The following ZWILCH variants were observed in gnomAD, a reference collection of about 807,000 sequenced individuals.
ZWILCH encodes zwilch kinetochore protein.
ZWILCH carries 74 observed loss-of-function variants against 79.9 expected under a neutral mutation model. The ratio of observed to expected loss-of-function variants is 0.93; its 90% CI spans 0.77 to 1.12. The LOEUF (loss-of-function observed/expected upper bound fraction) is 1.12, where lower values mean the gene tolerates loss of function less well. Ranked by LOEUF, ZWILCH falls within the 50% of genes most tolerant of loss-of-function variation. The probability of loss-of-function intolerance (pLI) is 0.00; values close to 1 mark genes in which losing one functional copy is unlikely to be tolerated. For synonymous variants in ZWILCH, 241 were observed against 228.2 expected (o/e 1.06, Z -0.51); for missense variants, 694 against 687.5 (o/e 1.01, Z -0.11).
intron 6 of ZWILCH, 143 bp from the exon 7 acceptor site, chr15:66,520,907 A>G: frequency 1.0e-6 from 1 of 958,916 alleles, no homozygotes; most frequent in Non-Finnish European, 1.6e-6. Flanking sequence ...ATATATCCCA[A>G]AAATATATGG....
At chr15:66,517,143 T>C (rs1894292843) in intron 4 of ZWILCH, among the ~76,000 whole-genome samples, 2 of 152,062 alleles carry the variant, frequency 1.3e-5, no homozygotes, top group Admixed American at 6.6e-5. Flanking sequence ...TTCAAATTTA[T>C]GGGAAAGTTA....
intron 15 of ZWILCH, 58 bp from the exon 16 acceptor site, chr15:66,537,110 A>G: frequency 1.4e-6 from 2 of 1,408,812 alleles, no homozygotes; most frequent in Non-Finnish European, 9.9e-7. Flanking sequence ...AGACTACCAG[A>G]AAAACGTTAT....
chr15:66,521,200 A>C lies in ZWILCH; in HGVS notation c.742A>C (p.Thr248Pro), dbSNP rs760792008. Residue 248 changes from threonine (T) to proline (P), a missense_variant, in exon 7 of 19, where the codon ACT becomes CCT. Physicochemically the swap from Thr to Pro is conservative, Grantham distance 38. Coordinates refer to ENST00000307897, the MANE Select transcript of ZWILCH (RefSeq NM_017975.5). Reference sequence around the variant, plus strand: ...AATCCCTCCACTCTCTTCAACTGCAACTCTGGTAAGAGTGGGCCCTATTTC... The same window carrying C: ...AATCCCTCCACTCTCTTCAACTGCACCTCTGGTAAGAGTGGGCCCTATTTC... ...LQIPPLSSTA[T>P]LNIKVESGEP... The C allele has an allele frequency of 1.4e-5, 22 of 1,610,458 alleles. No homozygotes were observed. Among genetic ancestry groups the C allele is most frequent in the Non-Finnish European group, 1.7e-5 (20 of 1,179,846 alleles).
Position 66,532,400 on chromosome 15 carries a change from A to T in ZWILCH, c.1309A>T (p.Ile437Leu), listed in dbSNP as rs779094520. Residue 437 changes from isoleucine (I) to leucine (L), a missense_variant, in exon 13 of 19, where the codon ATA becomes TTA. Transcript: ENST00000307897. Reference sequence around the variant, plus strand: ...AAAGAAAGATTATATCAGTTTTTTCATAGGTAAGTATCTTTCCTGGCTCAA... The same window carrying T: ...AAAGAAAGATTATATCAGTTTTTTCTTAGGTAAGTATCTTTCCTGGCTCAA... ...KLKKDYISFF[I>L]GQELASLNHL... The T allele has an allele frequency of 6.2e-6, 10 of 1,602,148 alleles. No homozygotes were observed. In the South Asian group the frequency reaches 7.9e-5, roughly 13 times the overall value.
In ZWILCH at chr15:66,529,559, G is replaced by T; in HGVS notation, c.1141G>T (p.Asp381Tyr). Residue 381 changes from aspartate to tyrosine, a missense_variant, in exon 12 of 19, where the codon GAT becomes TAT. Coordinates refer to ENST00000307897, the MANE Select transcript of ZWILCH (RefSeq NM_017975.5). ...GATCATCCAGAGTCTACAACGTGGT[G>T]ATATACAGCCATGGGTAGGTTTAGT... ...TLIIQSLQRG[D>Y]IQPWLHSGSN... The T allele has an allele frequency of 6.2e-7, 1 of 1,613,640 alleles. No individual in the cohort carries two copies. The highest frequency in any genetic ancestry group is 1.3e-5 in the African/African-American group (1 of 75,026).
intron 8 of ZWILCH, among the ~76,000 whole-genome samples, chr15:66,526,080 A>G (rs561225355): frequency 1.4e-4 from 22 of 152,022 alleles, no homozygotes; most frequent in African/African-American, 4.1e-4. Context: ...ACATTTTTCT[A>G]AAGACCTCCC....
At chr15:66,517,455 T>TATATATATATATATATAGAGAGAG (rs1180456312) in intron 4 of ZWILCH, among the ~76,000 whole-genome samples, 15 of 115,214 alleles carry the variant, frequency 1.3e-4, no homozygotes, top group Admixed American at 2.0e-4. Context: ...TATATATATA[T>TATATATATATATATATAGAGAGAG]AGTAATGTAC....
Position 66,523,759 on chromosome 15 carries a change from T to C in ZWILCH, c.819+11T>C. 1 of 1,583,658 alleles carries C rather than the reference T, an allele frequency of 6.3e-7. No homozygotes were observed. The highest frequency in any genetic ancestry group is 8.7e-7 in the Non-Finnish European group (1 of 1,155,256). ...CTGAAATTTCTTCTTGTGAGTATCC[T>C]TCTAGAATTCCTTTCCTTAAATCTA... On this transcript the variant is annotated intron_variant, in intron 8 of 18. Transcript: ENST00000307897.
intron 18 of ZWILCH, chr15:66,547,348 G>T (rs977550776): frequency 1.3e-5 from 2 of 151,572 alleles, no homozygotes; most frequent in African/African-American, 4.8e-5. Context: ...ACAGGCGCCT[G>T]CCACCACGCT....
rs563209354 is a variant in ZWILCH at position 66,549,157 on chromosome 15, G to A, written c.*833G>A. 1.3e-5 allele frequency: 2 copies of A among 152,296 alleles called. No homozygotes were observed. Among genetic ancestry groups the A allele is most frequent in the African/African-American group, 2.4e-5 (1 of 41,518 alleles). The allele number at this position is 152,296 out of a possible 1,614,324, so 9.4% of individuals were successfully genotyped here. A position where few individuals can be genotyped will look rare whatever the true frequency, so the allele number is the denominator to read the frequency against. On this transcript the variant is annotated 3_prime_UTR_variant, in exon 19 of 19. Transcript: ENST00000307897. Reference sequence around the variant, plus strand: ...CTTAGGTAATACCCACTTTTATCTTGTGTGCTGGGTACTCTGGTTACTGAG... The same window carrying A: ...CTTAGGTAATACCCACTTTTATCTTATGTGCTGGGTACTCTGGTTACTGAG...
Position 66,523,755 on chromosome 15 carries a change from A to G in ZWILCH, c.819+7A>G. The G allele has an allele frequency of 6.3e-7, 1 of 1,592,400 alleles. No homozygotes were observed. Among genetic ancestry groups the G allele is most frequent in the Non-Finnish European group, 8.6e-7 (1 of 1,162,502 alleles). On this transcript the variant is annotated splice_region_variant and intron_variant, in intron 8 of 18. Coordinates refer to ENST00000307897, the MANE Select transcript of ZWILCH (RefSeq NM_017975.5). The stretch of plus-strand genomic sequence containing the variant: ...AGAACTGAAATTTCTTCTTGTGAGT[A>G]TCCTTCTAGAATTCCTTTCCTTAAA...
chr15:66,512,880 C>A lies in ZWILCH; in HGVS notation c.106-1108C>A, dbSNP rs371752493. Among the ~76,000 whole-genome samples the A allele has an allele frequency of 4.8e-4, 73 of 152,324 alleles. 1 individual carries two copies. The East Asian group carries it at 7.5e-3, about 16-fold the overall frequency. On this transcript the variant is annotated intron_variant, in intron 2 of 18. Transcript: ENST00000307897. The stretch of plus-strand genomic sequence containing the variant: ...GCACAATCTTGGCCCACTGCAAGCT[C>A]CACCTCCCAGGTTCAAGCAATTTCT...
chr15:66,505,552 T>TG (rs1246465556), intron 1 of ZWILCH, 161 bp downstream of exon 1: 16 of 754,432 alleles, frequency 2.1e-5, no homozygotes, highest in Non-Finnish European at 3.5e-5. Context: ...GGCTCCGGTG[T>TG]GGGGTTGACC....
chr15:66,505,815 A>C, intron 1 of ZWILCH: 1 of 209,670 alleles, frequency 4.8e-6, no homozygotes, highest in Non-Finnish European at 9.6e-6. Flanking sequence ...CATCAGCTAC[A>C]ATTGTAATGA....
At position 66,527,317 on chromosome 15, in the gene ZWILCH, G is replaced by A. The variant is rs867421865; in HGVS notation, c.847G>A (p.Val283Ile). 1 of 1,613,996 alleles carries A rather than the reference G, an allele frequency of 6.2e-7. No homozygotes were observed. The highest frequency in any genetic ancestry group is 8.5e-7 in the Non-Finnish European group (1 of 1,180,000). ...LVLADGLRTG[V>I]TEWLEPLEAK... ...TTTGGCTGATGGTTTGAGGACTGGT[G>A]TCACTGAATGGCTCGAGCCCCTGGA... is the stretch of plus-strand genomic sequence containing the variant. The change falls in exon 9 of 19, where the codon GTC becomes ATC. Residue 283 changes from valine to isoleucine, a missense_variant. Transcript: ENST00000307897.
In ZWILCH at chr15:66,532,015, C is replaced by T. The variant is rs538968688; in HGVS notation, c.1156-232C>T. Among the ~76,000 whole-genome samples, 16 of 152,136 alleles carry T rather than the reference C, an allele frequency of 1.1e-4. No homozygotes were observed. The South Asian group carries it at 1.9e-3, about 18-fold the overall frequency. The stretch of plus-strand genomic sequence containing the variant: ...CTGGGAGGTAGAGGTTGCTGTGAGC[C>T]GAGATCGTGCCACTGCACTCCAGCC... On this transcript the variant is annotated intron_variant, in intron 12 of 18. Transcript: ENST00000307897.
chr15:66,533,017 A>G lies in ZWILCH; in HGVS notation c.1341+4A>G, dbSNP rs1465359906. ...ACTTGCATCTTTGAATCATTTGGTG[A>G]GTTTATTTTTTTATTCTAAAATTGG... On this transcript the variant is annotated splice_donor_region_variant and intron_variant, in intron 14 of 18. Coordinates refer to ENST00000307897, the MANE Select transcript of ZWILCH (RefSeq NM_017975.5). The G allele has an allele frequency of 1.9e-6, 3 of 1,574,976 alleles. No homozygotes were observed. Among genetic ancestry groups the G allele is most frequent in the Admixed American group, 1.8e-5 (1 of 56,904 alleles).
In ZWILCH at chr15:66,520,745, A is replaced by G. The variant is rs1239135908; in HGVS notation, c.591+85A>G. 11 of 855,192 alleles carry G rather than the reference A, an allele frequency of 1.3e-5. No homozygotes were observed. The East Asian group carries it at 1.8e-4, about 14-fold the overall frequency. 53.0% of individuals were successfully genotyped at this position (855,192 alleles called of 1,614,324 possible). A position where few individuals can be genotyped will look rare whatever the true frequency, so the allele number is the denominator to read the frequency against. The stretch of plus-strand genomic sequence containing the variant: ...AGTTTACAGGTTTTTTTTCACTCCT[A>G]AGATGACTAGATATTTTTCTGTAGT... On this transcript the variant is annotated intron_variant, in intron 6 of 18. Coordinates refer to ENST00000307897, the MANE Select transcript of ZWILCH (RefSeq NM_017975.5).
intron 16 of ZWILCH, among the ~76,000 whole-genome samples, 183 bp from the exon 17 acceptor site, chr15:66,539,915 G>A (rs1342112714): frequency 1.3e-5 from 2 of 151,462 alleles, no homozygotes; most frequent in African/African-American, 4.9e-5. Flanking sequence ...TTTCCAAATT[G>A]TTATTTTTAT....
Sources: gnomAD v4.1 joint callset for allele counts (sites outside exome capture counted in the v4.1 genomes callset) on GRCh38, gnomAD v4.1.1 for gene constraint, MANE v1.5 for transcripts, NCBI Gene and HGNC (gene_info 2026-07-23, HGNC 2026-07-21) for gene names.